The following LCORL variants were observed in gnomAD, a reference collection of about 807,000 sequenced individuals.
The protein encoded by LCORL is ligand dependent nuclear receptor corepressor like.
Under a neutral mutation model 141.8 loss-of-function variants are expected in LCORL, and 41 were observed. That is an observed-to-expected ratio of 0.29 (90% CI 0.23 to 0.38). The LOEUF (loss-of-function observed/expected upper bound fraction) is 0.38, where lower values mean the gene tolerates loss of function less well. LCORL is among the 10% of genes least tolerant of loss of function. LCORL has a pLI of 1.00. For synonymous variants in LCORL, 618 were observed against 694.1 expected (o/e 0.89, Z 1.72); for missense variants, 1,759 against 2,035.0 (o/e 0.86, Z 2.61).
At chr4:17,940,462 T>C (rs1737758216) in intron 4 of LCORL, among the ~76,000 whole-genome samples, 2 of 144,842 alleles carry the variant, frequency 1.4e-5, no homozygotes, top group African/African-American at 2.6e-5. Context: ...GTAATATATA[T>C]TATGTAATAT....
chr4:17,851,726 T>A (rs1723744636), intron 7 of LCORL, among the ~76,000 whole-genome samples: 1 of 152,150 alleles, frequency 6.6e-6, no homozygotes, highest in Non-Finnish European at 1.5e-5. Flanking sequence ...AAAGGGTGCT[T>A]TTACATTTTT....
chr4:17,901,903 TA>T (rs1343376426), intron 5 of LCORL, among the ~76,000 whole-genome samples: 10 of 151,988 alleles, frequency 6.6e-5, no homozygotes, highest in Admixed American at 4.6e-4. Context: ...AACCCCAAAC[TA>T]AATATGAGTA....
intron 1 of LCORL, among the ~76,000 whole-genome samples, chr4:18,010,515 T>C (rs1723565154): frequency 6.6e-6 from 1 of 152,106 alleles, no homozygotes; most frequent in African/African-American, 2.4e-5. Context: ...AGTGGCATGA[T>C]CTCGGCTCAC....
chr4:17,910,647 G>A (rs73098824), intron 4 of LCORL, among the ~76,000 whole-genome samples: 2,914 of 152,096 alleles, frequency 0.019, 93 homozygotes, highest in African/African-American at 0.064. Flanking sequence ...TAAAATACAA[G>A]AAGGTTTCAA....
At chr4:17,960,627 T>A (rs543548698) in intron 4 of LCORL, among the ~76,000 whole-genome samples, 7 of 152,244 alleles carry the variant, frequency 4.6e-5, no homozygotes, top group African/African-American at 1.7e-4. Flanking sequence ...AGAAAGTATG[T>A]AAAATTATTG....
intron 4 of LCORL, among the ~76,000 whole-genome samples, chr4:17,914,787 A>G (rs150847638): frequency 6.6e-6 from 1 of 152,166 alleles, no homozygotes; most frequent in African/African-American, 2.4e-5. Context: ...AGACAAGAAC[A>G]ATTATTTTTT....
At chr4:17,889,709 G>A (rs980763475) in intron 5 of LCORL, among the ~76,000 whole-genome samples, 1 of 151,874 alleles carries the variant, frequency 6.6e-6, no homozygotes, top group Non-Finnish European at 1.5e-5. Context: ...CAGCCAGCTT[G>A]GGAAGGATAG....
intron 5 of LCORL, among the ~76,000 whole-genome samples, chr4:17,898,980 G>A (rs1471916249): frequency 6.6e-6 from 1 of 152,180 alleles, no homozygotes; most frequent in Non-Finnish European, 1.5e-5. Context: ...GACAAACAGG[G>A]TATATAGCTA....
intron 1 of LCORL, among the ~76,000 whole-genome samples, chr4:18,019,065 A>G (rs906610235): frequency 2.0e-5 from 3 of 152,230 alleles, no homozygotes; most frequent in Admixed American, 2.0e-4. Context: ...GATGCTAAAA[A>G]AAGCCCAATC....
exon 8 of LCORL, chr4:17,845,826 A>C: frequency 2.5e-6 from 4 of 1,613,620 alleles, no homozygotes; most frequent in Non-Finnish European, 2.5e-6. Flanking sequence ...GGCACATCTT[A>C]ATGGGGCTCA....
intron 2 of LCORL, among the ~76,000 whole-genome samples, chr4:17,970,203 T>C (rs560107507): frequency 6.6e-6 from 1 of 152,218 alleles, no homozygotes; most frequent in East Asian, 1.9e-4. Context: ...AGATAGAAGA[T>C]CCAGAAATAG....
At chr4:17,882,411 C>T (rs1456528879) in intron 6 of LCORL, 1 of 984,392 alleles carries the variant, frequency 1.0e-6, no homozygotes, top group African/African-American at 1.8e-5. Context: ...CAGTTGCATA[C>T]TCCATAAATC....
At chr4:17,928,789 C>T (rs1735558814) in intron 4 of LCORL, among the ~76,000 whole-genome samples, 3 of 152,018 alleles carry the variant, frequency 2.0e-5, no homozygotes, top group African/African-American at 7.2e-5. Flanking sequence ...AAGGAAGAAG[C>T]AAAACTCTCT....
intron 1 of LCORL, among the ~76,000 whole-genome samples, chr4:18,007,443 A>T (rs1437623190): frequency 6.6e-6 from 1 of 152,172 alleles, no homozygotes; most frequent in East Asian, 1.9e-4. Context: ...GACTCATATA[A>T]GGAAACCTCA....
chr4:17,900,047 T>C (rs1371186187), intron 5 of LCORL, among the ~76,000 whole-genome samples: 2 of 152,102 alleles, frequency 1.3e-5, no homozygotes, highest in East Asian at 3.8e-4. Flanking sequence ...AACAAATTTT[T>C]GTAAAAAACT....
intron 7 of LCORL, among the ~76,000 whole-genome samples, chr4:17,847,279 T>A (rs1560244495): frequency 6.6e-6 from 1 of 152,202 alleles, no homozygotes; most frequent in Non-Finnish European, 1.5e-5. Context: ...CTACAAGTCT[T>A]CCTATTAGCA....
chr4:17,914,181 T>C (rs1402359303), intron 4 of LCORL, among the ~76,000 whole-genome samples: 1 of 152,240 alleles, frequency 6.6e-6, no homozygotes, highest in African/African-American at 2.4e-5. Flanking sequence ...TTGATGATTA[T>C]CTTTAGAAAT....
intron 5 of LCORL, among the ~76,000 whole-genome samples, chr4:17,897,060 T>C (rs1730046110): frequency 3.9e-5 from 6 of 152,246 alleles, no homozygotes; most frequent in Middle Eastern, 3.4e-3. Context: ...CATTCTTTTT[T>C]ATGGCTGAAT....
intron 1 of LCORL, among the ~76,000 whole-genome samples, chr4:18,001,912 T>C (rs2109830561): frequency 6.6e-6 from 1 of 152,334 alleles, no homozygotes; most frequent in South Asian, 2.1e-4. Flanking sequence ...TATACATATA[T>C]GGAAATAGAC....
Sources: allele counts gnomAD v4.1 joint callset (sites outside exome capture counted in the v4.1 genomes callset), GRCh38; gene constraint gnomAD v4.1.1; transcripts MANE v1.5; gene names NCBI Gene and HGNC (gene_info 2026-07-23, HGNC 2026-07-21).